Variants in ALDH1A2 observed in about 807,000 individuals in gnomAD.
The protein encoded by ALDH1A2 is aldehyde dehydrogenase 1 family member A2.
A neutral mutation model predicts 60.3 loss-of-function variants in ALDH1A2; 27 were observed. That is an observed-to-expected ratio of 0.45 (90% confidence interval 0.33 to 0.62). The LOEUF (loss-of-function observed/expected upper bound fraction) is 0.62. Ranked by LOEUF, ALDH1A2 falls within the 20% of genes least tolerant of loss-of-function variation. The pLI is 0.02. For synonymous variants in ALDH1A2, 289 were observed against 232.4 expected, an observed-to-expected ratio of 1.24 and a Z score of -2.21; for missense variants, 581 against 643.8, an observed-to-expected ratio of 0.90 and a Z score of 1.06.
chr15:58,065,291 G>C (rs1165273102), intron 1 of ALDH1A2: 1 of 538,410 alleles, frequency 1.9e-6, no homozygotes, highest in Non-Finnish European at 3.3e-6. Flanking sequence ...AGCCGTTGAC[G>C]GCTGCCCCTC....
chr15:58,012,304 A>G (rs1407150063), intron 3 of ALDH1A2, among the ~76,000 whole-genome samples: 6 of 152,204 alleles, frequency 3.9e-5, no homozygotes, highest in African/African-American at 1.4e-4. Flanking sequence ...TCATTTATTG[A>G]CAACCTATGT....
At chr15:58,043,972 A>G (rs561807514) in intron 1 of ALDH1A2, among the ~76,000 whole-genome samples, 2 of 152,100 alleles carry the variant, frequency 1.3e-5, no homozygotes, top group East Asian at 1.9e-4. Flanking sequence ...AAGAAGTCCA[A>G]TGGCTTGACC....
intron 1 of ALDH1A2, among the ~76,000 whole-genome samples, chr15:58,059,276 G>A (rs1274098633): frequency 6.6e-6 from 1 of 152,156 alleles, no homozygotes; most frequent in African/African-American, 2.4e-5. Context: ...TGTTTGGGGG[G>A]AAATGAATGG....
intron 1 of ALDH1A2, among the ~76,000 whole-genome samples, chr15:58,015,023 T>C (rs983056430): frequency 1.3e-5 from 2 of 152,186 alleles, no homozygotes; most frequent in African/African-American, 4.8e-5. Context: ...ACAAGATTTG[T>C]AATAAATGAG....
chr15:58,047,959 A>T (rs1260521601), intron 1 of ALDH1A2, among the ~76,000 whole-genome samples: 1 of 152,070 alleles, frequency 6.6e-6, no homozygotes, highest in East Asian at 1.9e-4. Context: ...TTTACTAGCA[A>T]AAAGCATGGT....
intron 7 of ALDH1A2, among the ~76,000 whole-genome samples, chr15:57,973,889 T>C (rs1047367812): frequency 2.6e-5 from 4 of 152,200 alleles, no homozygotes; most frequent in Non-Finnish European, 4.4e-5. Flanking sequence ...ACTTAATATT[T>C]TAACTATTCC....
intron 7 of ALDH1A2, among the ~76,000 whole-genome samples, chr15:57,982,001 AGAC>A (rs1894531916): frequency 6.6e-6 from 1 of 152,216 alleles, no homozygotes; most frequent in Admixed American, 6.5e-5. Flanking sequence ...GAAGAGCAAG[AGAC>A]GACAAGACAG....
At chr15:58,042,287 C>G (rs564928308) in intron 1 of ALDH1A2, among the ~76,000 whole-genome samples, 1 of 151,962 alleles carries the variant, frequency 6.6e-6, no homozygotes, top group Admixed American at 6.6e-5. Context: ...GAGCTAACTG[C>G]AGGTCCTCTG....
At chr15:58,015,766 A>T (rs1472666143) in intron 1 of ALDH1A2, among the ~76,000 whole-genome samples, 1 of 152,204 alleles carries the variant, frequency 6.6e-6, no homozygotes, top group Non-Finnish European at 1.5e-5. Flanking sequence ...TGGCTGACTC[A>T]ACAATGTGTT....
chr15:57,959,777 C>A (rs1893661095), intron 12 of ALDH1A2, among the ~76,000 whole-genome samples: 1 of 152,156 alleles, frequency 6.6e-6, no homozygotes, highest in Non-Finnish European at 1.5e-5. Context: ...AGAAACTGCT[C>A]TAATCTCCAA....
In ALDH1A2 at chr15:57,980,548, C is replaced by T. The variant is rs562290098; in HGVS notation, c.798+12157G>A. On this transcript the variant is annotated intron_variant, in intron 7 of 12. Coordinates refer to ENST00000249750, the MANE Select transcript of ALDH1A2 (RefSeq NM_003888.4). Reference sequence around the variant, plus strand: ...TGAGTCCCTTGATCCAGCTGTGAAGCTCTGCCTCCTTCTGGGGGTCATATT... The same window carrying T: ...TGAGTCCCTTGATCCAGCTGTGAAGTTCTGCCTCCTTCTGGGGGTCATATT... The T allele has an allele frequency of 1.8e-4, 49 of 276,718 alleles. No individual in the cohort carries two copies. The South Asian group carries it at 2.3e-3, about 13-fold the overall frequency. 17.1% of individuals were successfully genotyped at this position (276,718 alleles called of 1,614,324 possible).
chr15:57,969,996 G>C (rs925753908), intron 7 of ALDH1A2, among the ~76,000 whole-genome samples: 1 of 152,194 alleles, frequency 6.6e-6, no homozygotes, highest in Non-Finnish European at 1.5e-5. Flanking sequence ...TTCTGCATCT[G>C]TAGAATGAAG....
Position 58,027,984 on chromosome 15 carries a change from T to C in ALDH1A2, c.118-13703A>G, listed in dbSNP as rs535127993. Among the ~76,000 whole-genome samples the C allele has an allele frequency of 3.9e-5, 6 of 152,194 alleles. 1 individual carries two copies. In the South Asian group the frequency reaches 6.2e-4, roughly 16 times the overall value. ...AGTTAGAAAACACTCTTCAGGACAT[T>C]ATCCAGGAGAACTTCCCCAACCTAG... On this transcript the variant is annotated intron_variant, in intron 1 of 12. Transcript: ENST00000249750.
chr15:58,018,240 C>G (rs896923983), intron 1 of ALDH1A2, among the ~76,000 whole-genome samples: 2 of 151,880 alleles, frequency 1.3e-5, no homozygotes, highest in African/African-American at 4.8e-5. Flanking sequence ...ATGGACAATA[C>G]TGGAATAATT....
At chr15:57,977,078 C>T (rs1239692214) in intron 7 of ALDH1A2, among the ~76,000 whole-genome samples, 4 of 146,868 alleles carry the variant, frequency 2.7e-5, no homozygotes, top group Non-Finnish European at 4.5e-5. Flanking sequence ...TGTTCATATC[C>T]TTTGCCCACT....
chr15:58,000,062 G>T (rs1404162497), intron 4 of ALDH1A2, among the ~76,000 whole-genome samples: 4 of 151,916 alleles, frequency 2.6e-5, no homozygotes, highest in African/African-American at 9.7e-5. Context: ...CTGGGGAGGG[G>T]TGGGGGAAGG....
At chr15:58,046,001 T>C (rs1415585406) in intron 1 of ALDH1A2, among the ~76,000 whole-genome samples, 2 of 152,058 alleles carry the variant, frequency 1.3e-5, no homozygotes, top group African/African-American at 4.8e-5. Flanking sequence ...TCTTAGATTC[T>C]GGGCACCATG....
chr15:57,955,353 G>T (rs1473245274), intron 12 of ALDH1A2, 84 bp from the exon 13 acceptor site: 1 of 1,404,380 alleles, frequency 7.1e-7, no homozygotes, highest in Non-Finnish European at 1.0e-6. Flanking sequence ...GGGAGGTGCA[G>T]TTTATCACCT....
At chr15:57,998,095 C>T (rs1243849911) in intron 4 of ALDH1A2, among the ~76,000 whole-genome samples, 2 of 151,966 alleles carry the variant, frequency 1.3e-5, no homozygotes, top group Non-Finnish European at 2.9e-5. Context: ...CAATATCATA[C>T]TGAACAGGCA....
Sources: allele counts gnomAD v4.1 joint callset (sites outside exome capture counted in the v4.1 genomes callset), GRCh38; gene constraint gnomAD v4.1.1; transcripts MANE v1.5; gene names NCBI Gene and HGNC (gene_info 2026-07-23, HGNC 2026-07-21).